The following TMEM132D variants were observed in gnomAD, a reference collection of about 807,000 sequenced individuals.
TMEM132D encodes mature OL transmembrane protein.
In TMEM132D, 21 loss-of-function variants were observed where a neutral mutation model predicts 62.3. The ratio of observed to expected loss-of-function variants is 0.34; its 90% confidence interval spans 0.24 to 0.49. The LOEUF is 0.49. TMEM132D is among the 20% of genes least tolerant of loss of function. The probability of loss-of-function intolerance (pLI) is 0.99; values close to 1 mark genes in which losing one functional copy is unlikely to be tolerated. For synonymous variants in TMEM132D, 621 were observed against 575.6 expected (o/e 1.08, Z -1.13); for missense variants, 1,346 against 1,402.8 (o/e 0.96, Z 0.65).
At chr12:129,095,346 G>GT (rs34044401) in intron 5 of TMEM132D, among the ~76,000 whole-genome samples, 61,930 of 104,966 alleles carry the variant, frequency 0.59, 19,784 homozygotes, top group South Asian at 0.65. Flanking sequence ...ATGCCTGCTG[G>GT]TTTTTTTTTT....
chr12:129,716,674 C>T (rs1868586876), intron 1 of TMEM132D, among the ~76,000 whole-genome samples: 1 of 151,946 alleles, frequency 6.6e-6, no homozygotes, highest in African/African-American at 2.4e-5. Flanking sequence ...GGGACTAAGT[C>T]AGGAAAATAA....
rs149102000 is a variant in TMEM132D, at chr12:129,164,720, A to C, written c.1443+44800T>G. Among the ~76,000 whole-genome samples the C allele has an allele frequency of 5.0e-3, 768 of 152,098 alleles. 7 individuals are homozygous for C. Among genetic ancestry groups the C allele is most frequent in the African/African-American group, 0.017 (690 of 41,504 alleles). ...GCCCATTATAAAACCATCAGATCTCATGAGAATTTACTCAGTATCACAAGA... is the reference window on the plus strand; with the variant it reads ...GCCCATTATAAAACCATCAGATCTCCTGAGAATTTACTCAGTATCACAAGA... On this transcript the variant is annotated intron_variant, in intron 5 of 8. Coordinates refer to ENST00000422113, the MANE Select transcript of TMEM132D (RefSeq NM_133448.3).
rs188367643 is a variant in TMEM132D, at chr12:129,736,785, C to T, written c.80-36087G>A. ...GAGGAACATTATTATATCTGTGATG[C>T]GTGCATTAAGTCAACCTATGATGGT... On this transcript the variant is annotated intron_variant, in intron 1 of 8. Transcript: ENST00000422113. 6.7e-5 allele frequency among the ~76,000 whole-genome samples: 10 copies of T among 148,950 alleles called. No individual in the cohort carries two copies. In the East Asian group the frequency reaches 1.2e-3, roughly 18 times the overall value.
At chr12:129,875,286 G>A (rs544089378) in intron 1 of TMEM132D, among the ~76,000 whole-genome samples, 1 of 152,180 alleles carries the variant, frequency 6.6e-6, no homozygotes, top group African/African-American at 2.4e-5. Context: ...CCTAGAAAGC[G>A]CTGATGTCCG....
chr12:129,160,652 T>C (rs1469798999), intron 5 of TMEM132D, among the ~76,000 whole-genome samples: 1 of 152,222 alleles, frequency 6.6e-6, no homozygotes, highest in African/African-American at 2.4e-5. Context: ...AGCCAACAAT[T>C]TCCCTCATGT....
chr12:129,356,702 T>A (rs868751965), intron 3 of TMEM132D, among the ~76,000 whole-genome samples: 2 of 132,940 alleles, frequency 1.5e-5, no homozygotes, highest in African/African-American at 5.8e-5. Context: ...ATAAATAAAA[T>A]AAAAATACAA....
chr12:129,880,966 G>T (rs150074812), intron 1 of TMEM132D, among the ~76,000 whole-genome samples: 1 of 151,976 alleles, frequency 6.6e-6, no homozygotes, highest in Non-Finnish European at 1.5e-5. Context: ...CCATTTACAC[G>T]CTGTCTACGG....
intron 2 of TMEM132D, among the ~76,000 whole-genome samples, chr12:129,664,168 T>A (rs1880314794): frequency 6.6e-6 from 1 of 152,172 alleles, no homozygotes; most frequent in Non-Finnish European, 1.5e-5. Context: ...AACGACTCAC[T>A]AGAGCAATCT....
intron 3 of TMEM132D, among the ~76,000 whole-genome samples, chr12:129,396,097 A>G (rs1461763075): frequency 6.6e-6 from 1 of 150,760 alleles, no homozygotes; most frequent in East Asian, 1.9e-4. Flanking sequence ...AGATACAGAT[A>G]TAGGTATGTC....
intron 1 of TMEM132D, among the ~76,000 whole-genome samples, chr12:129,751,969 C>T (rs1474469902): frequency 6.6e-6 from 1 of 152,156 alleles, no homozygotes; most frequent in African/African-American, 2.4e-5. Flanking sequence ...ATTCATACAA[C>T]ATTAATCTTG....
intron 3 of TMEM132D, among the ~76,000 whole-genome samples, chr12:129,430,477 C>T (rs933372147): frequency 6.3e-4 from 95 of 151,912 alleles, no homozygotes; most frequent in African/African-American, 2.2e-3. Flanking sequence ...GCATATTAGC[C>T]CTTTGTTTTT....
At chr12:129,541,335 C>A (rs1216726039) in intron 2 of TMEM132D, among the ~76,000 whole-genome samples, 1 of 152,166 alleles carries the variant, frequency 6.6e-6, no homozygotes, top group African/African-American at 2.4e-5. Context: ...ACACAGACCA[C>A]CACCCAACAA....
intron 3 of TMEM132D, among the ~76,000 whole-genome samples, chr12:129,447,535 C>A (rs1236304544): frequency 6.6e-6 from 1 of 152,116 alleles, no homozygotes; most frequent in African/African-American, 2.4e-5. Flanking sequence ...ATAACGTAAG[C>A]AAACATGAGG....
chr12:129,312,521 A>T (rs759999847), intron 4 of TMEM132D, among the ~76,000 whole-genome samples: 8 of 152,074 alleles, frequency 5.3e-5, no homozygotes, highest in Non-Finnish European at 1.0e-4. Context: ...ATTTTTGTAC[A>T]CCTGCTGTAT....
chr12:129,465,807 C>G (rs976658355), intron 3 of TMEM132D, among the ~76,000 whole-genome samples: 38 of 152,132 alleles, frequency 2.5e-4, no homozygotes, highest in Non-Finnish European at 5.0e-4. Flanking sequence ...CTCAGCCTCC[C>G]ACGTAGCTGG....
Position 129,246,738 on chromosome 12 carries a change from C to T in TMEM132D, c.1300-37075G>A, listed in dbSNP as rs527396393. ...CTGAGATCACACCACTGTCCTCCAG[C>T]CTGAGCGACAGAGCAAGACTCTATC... On this transcript the variant is annotated intron_variant, in intron 4 of 8. Transcript: ENST00000422113. 4.1e-4 allele frequency among the ~76,000 whole-genome samples: 62 copies of T among 150,056 alleles called. 1 individual carries two copies. Among genetic ancestry groups the T allele is most frequent in the Non-Finnish European group, 7.7e-4 (52 of 67,738 alleles).
At position 129,388,709 on chromosome 12, in the gene TMEM132D, T is replaced by A. The variant is rs567800369; in HGVS notation, c.1116-50892A>T. ...ACCAACACCAATCCAGCACTGATAATATTAACACTAACACTCATCCTAATA... is the reference window on the plus strand; with the variant it reads ...ACCAACACCAATCCAGCACTGATAAAATTAACACTAACACTCATCCTAATA... On this transcript the variant is annotated intron_variant, in intron 3 of 8. Coordinates refer to ENST00000422113, the MANE Select transcript of TMEM132D (RefSeq NM_133448.3). Among the ~76,000 whole-genome samples, 12 of 125,298 alleles carry A rather than the reference T, an allele frequency of 9.6e-5. 2 individuals carry two copies. Among genetic ancestry groups the A allele is most frequent in the Admixed American group, 3.9e-4 (5 of 12,778 alleles). 82.2% of individuals were successfully genotyped at this position (125,298 alleles called of 152,430 possible).
At chr12:129,767,765 C>T (rs1870598474) in intron 1 of TMEM132D, among the ~76,000 whole-genome samples, 1 of 152,212 alleles carries the variant, frequency 6.6e-6, no homozygotes, top group East Asian at 1.9e-4. Context: ...GCTCCCACCT[C>T]TTGGCTATTG....
rs2135619490 is a variant in TMEM132D, at chr12:129,084,531, T to C, written c.1615A>G (p.Lys539Glu). The C allele has an allele frequency of 6.2e-7, 1 of 1,611,152 alleles. No individual in the cohort carries two copies. The highest frequency in any genetic ancestry group is 8.5e-7 in the Non-Finnish European group (1 of 1,178,528). Residue 539 changes from lysine (K) to glutamate (E), a missense_variant, in exon 6 of 9, where the codon AAG (lysine) becomes GAG (glutamate). Lys to Glu is a moderately conservative substitution (Grantham distance 56, BLOSUM62 1). Transcript: ENST00000422113. ...GAGACGATGGGCACTCTCCAACCCT[T>C]GATCTGATTGAGCTCGGTGTCGGAG... ...EVSDTELNQIKGWRVPIVSSR... is the reference protein window; with the variant it reads ...EVSDTELNQIEGWRVPIVSSR...
Sources: allele counts gnomAD v4.1 joint callset (sites outside exome capture counted in the v4.1 genomes callset), GRCh38; gene constraint gnomAD v4.1.1; transcripts MANE v1.5; gene names NCBI Gene and HGNC (gene_info 2026-07-23, HGNC 2026-07-21).